The following MSRA variants were observed in gnomAD, a reference collection of about 807,000 sequenced individuals.
MSRA encodes methionine sulfoxide reductase A.
A neutral mutation model predicts 31.3 loss-of-function variants in MSRA; 54 were observed. That is an observed-to-expected ratio of 1.73 (90% CI 1.39 to 2.17). The LOEUF (loss-of-function observed/expected upper bound fraction) is 2.17, where lower values mean the gene tolerates loss of function less well. MSRA is among the 30% of genes most tolerant of loss of function. The pLI is 0.00. For synonymous variants in MSRA, 169 were observed against 116.5 expected (o/e 1.45, Z -2.90); for missense variants, 507 against 300.9 (o/e 1.69, Z -5.07).
chr8:10,338,937 G>A (rs568566452), intron 5 of MSRA, among the ~76,000 whole-genome samples: 1 of 152,328 alleles, frequency 6.6e-6, no homozygotes, highest in East Asian at 1.9e-4. Context: ...TTTAAGTAAG[G>A]TTTTGGCAGA....
intron 1 of MSRA, among the ~76,000 whole-genome samples, chr8:10,062,242 C>T (rs1171759580): frequency 6.6e-6 from 1 of 152,234 alleles, no homozygotes; most frequent in Non-Finnish European, 1.5e-5. Flanking sequence ...GCAGCAGCAG[C>T]AGCTGGCTGG....
At chr8:10,308,680 C>T (rs534713422) in intron 4 of MSRA, among the ~76,000 whole-genome samples, 1 of 152,336 alleles carries the variant, frequency 6.6e-6, no homozygotes, top group East Asian at 1.9e-4. Flanking sequence ...AGACTATGCC[C>T]CATCCATGCT....
At chr8:10,249,830 C>T (rs77373304) in intron 3 of MSRA, among the ~76,000 whole-genome samples, 241 of 152,290 alleles carry the variant, frequency 1.6e-3, no homozygotes, top group African/African-American at 5.7e-3. Context: ...ATTTCTGTTT[C>T]CTACAAGCTC....
chr8:10,409,050 A>G (rs1327894088), intron 5 of MSRA, among the ~76,000 whole-genome samples: 1 of 152,110 alleles, frequency 6.6e-6, no homozygotes, highest in Non-Finnish European at 1.5e-5. Context: ...TGTCTTTTTC[A>G]TGTAATGATT....
intron 1 of MSRA, among the ~76,000 whole-genome samples, chr8:10,171,959 G>T (rs1409256584): frequency 6.6e-6 from 1 of 152,200 alleles, no homozygotes. Context: ...TCTGAAGTAG[G>T]TAATGGAACC....
chr8:10,423,992 G>A (rs1451237553), intron 5 of MSRA, among the ~76,000 whole-genome samples: 7 of 152,252 alleles, frequency 4.6e-5, no homozygotes. Context: ...GTCCTGGGTA[G>A]TGGAAGTGGC....
At chr8:10,227,704 AAATT>A (rs1811117014) in intron 2 of MSRA, among the ~76,000 whole-genome samples, 1 of 152,230 alleles carries the variant, frequency 6.6e-6, no homozygotes, top group Non-Finnish European at 1.5e-5. Flanking sequence ...CTGAAAAGAA[AAATT>A]AATCAAATTA....
chr8:10,250,723 C>T (rs1797872038), intron 3 of MSRA: 1 of 497,056 alleles, frequency 2.0e-6, no homozygotes. Flanking sequence ...GTATGGTCTG[C>T]AAAACCTAAA....
At chr8:10,081,883 C>T (rs1413853353) in intron 1 of MSRA, among the ~76,000 whole-genome samples, 2 of 152,190 alleles carry the variant, frequency 1.3e-5, no homozygotes, top group African/African-American at 4.8e-5. Context: ...ATTCTACCCC[C>T]TCTGCTGACT....
chr8:10,355,164 C>T (rs889916459), intron 5 of MSRA, among the ~76,000 whole-genome samples: 1 of 152,226 alleles, frequency 6.6e-6, no homozygotes, highest in Non-Finnish European at 1.5e-5. Flanking sequence ...CACTACGATG[C>T]CCCCAGCCTT....
At chr8:10,383,214 T>A (rs1195394860) in intron 5 of MSRA, among the ~76,000 whole-genome samples, 54 of 152,298 alleles carry the variant, frequency 3.5e-4, no homozygotes, top group Non-Finnish European at 7.2e-4. Context: ...GAGGGCAATG[T>A]GCAGGCTTCC....
chr8:10,224,670 A>G (rs1184051171), intron 2 of MSRA, among the ~76,000 whole-genome samples: 2 of 152,146 alleles, frequency 1.3e-5, no homozygotes, highest in African/African-American at 2.4e-5. Context: ...TCACCACCAC[A>G]TTTCTAAGAA....
At chr8:10,337,106 C>T (rs904540651) in intron 5 of MSRA, 4 of 152,252 alleles carry the variant, frequency 2.6e-5, no homozygotes, top group Admixed American at 6.5e-5. Context: ...AACTCACAAA[C>T]CCCTCCTGAG....
At chr8:10,058,373 A>T (rs1396216903) in intron 1 of MSRA, among the ~76,000 whole-genome samples, 1 of 152,250 alleles carries the variant, frequency 6.6e-6, no homozygotes, top group Non-Finnish European at 1.5e-5. Flanking sequence ...AGATAATTTG[A>T]AGAATGTTAG....
intron 5 of MSRA, among the ~76,000 whole-genome samples, chr8:10,352,917 G>A (rs1804269496): frequency 6.6e-6 from 1 of 152,074 alleles, no homozygotes; most frequent in Non-Finnish European, 1.5e-5. Context: ...ATCCCGTGCT[G>A]CCCAGCTGAT....
chr8:10,358,924 C>T (rs190816110), intron 5 of MSRA, among the ~76,000 whole-genome samples: 1 of 152,096 alleles, frequency 6.6e-6, no homozygotes, highest in African/African-American at 2.4e-5. Context: ...TTGTGAACTG[C>T]ACGTGTGAGG....
intron 2 of MSRA, among the ~76,000 whole-genome samples, chr8:10,242,416 A>G (rs1267751548): frequency 1.3e-5 from 2 of 152,164 alleles, no homozygotes; most frequent in East Asian, 3.9e-4. Context: ...TTTTTGGGCT[A>G]TAAGGTTTCT....
chr8:10,072,722 C>A (rs1009260495), intron 1 of MSRA, among the ~76,000 whole-genome samples: 1 of 152,186 alleles, frequency 6.6e-6, no homozygotes, highest in Non-Finnish European at 1.5e-5. Context: ...TCTTTCAATC[C>A]ATGAGCACAG....
chr8:10,087,095 G>A (rs1798599021), intron 1 of MSRA, among the ~76,000 whole-genome samples: 1 of 152,140 alleles, frequency 6.6e-6, no homozygotes, highest in Non-Finnish European at 1.5e-5. Context: ...CACGTGTAAA[G>A]CATGGTTGTG....
Sources: allele counts gnomAD v4.1 joint callset (sites outside exome capture counted in the v4.1 genomes callset), GRCh38; gene constraint gnomAD v4.1.1; transcripts MANE v1.5; gene names NCBI Gene and HGNC (gene_info 2026-07-23, HGNC 2026-07-21).